GRIK1: variants seen among roughly 807,000 people sequenced by gnomAD.
GRIK1 encodes glutamate receptor ionotropic, kainate 1.
In GRIK1, 69 loss-of-function variants were observed where a neutral mutation model predicts 105.7. The ratio of observed to expected loss-of-function variants is 0.65; its 90% CI spans 0.54 to 0.80. The LOEUF is 0.80. Among genes scored for constraint, GRIK1 ranks in the 30% least tolerant of loss-of-function variants. The probability of loss-of-function intolerance (pLI) is 0.00; values close to 1 mark genes in which losing one functional copy is unlikely to be tolerated. For missense variants in GRIK1, 1,109 were observed against 1,167.3 expected, an observed-to-expected ratio of 0.95 and a Z score of 0.73; for synonymous variants, 438 against 431.3, an observed-to-expected ratio of 1.02 and a Z score of -0.19.
At chr21:29,607,227 G>C (rs2061641300) in intron 7 of GRIK1, among the ~76,000 whole-genome samples, 1 of 151,990 alleles carries the variant, frequency 6.6e-6, no homozygotes, top group South Asian at 2.1e-4. Context: ...CTGAAAACCT[G>C]GTTTCTTAGC....
intron 2 of GRIK1, among the ~76,000 whole-genome samples, chr21:29,692,604 C>T (rs1031271926): frequency 1.3e-4 from 20 of 152,158 alleles, no homozygotes; most frequent in African/African-American, 3.9e-4. Flanking sequence ...GACGGAGTCT[C>T]GCTCTGTCAC....
At chr21:29,879,616 C>G (rs372802612) in intron 1 of GRIK1, among the ~76,000 whole-genome samples, 1 of 152,046 alleles carries the variant, frequency 6.6e-6, no homozygotes, top group Non-Finnish European at 1.5e-5. Flanking sequence ...GTAATTGTAA[C>G]GTTGATTCAT....
chr21:29,702,001 A>C (rs1001983734), intron 1 of GRIK1, among the ~76,000 whole-genome samples: 9 of 152,186 alleles, frequency 5.9e-5, no homozygotes, highest in African/African-American at 1.9e-4. Flanking sequence ...TGCCTATTAG[A>C]AGTCCAAGTG....
At chr21:29,873,243 G>A (rs1356148981) in intron 1 of GRIK1, among the ~76,000 whole-genome samples, 5 of 152,154 alleles carry the variant, frequency 3.3e-5, no homozygotes, top group Non-Finnish European at 2.9e-5. Context: ...TAATGAAGTC[G>A]TTTAATTAGT....
At position 29,807,280 on chromosome 21, in the gene GRIK1, G is replaced by A. The variant is rs183348302; in HGVS notation, c.119-113217C>T. ...CAACAAACTGCCCCTTCCCTGTGGC[G>A]GCTGTGGGGTGTGAGAAAGAGACAT... On this transcript the variant is annotated intron_variant, in intron 1 of 17. Transcript: ENST00000327783. Among the ~76,000 whole-genome samples, 35 of 152,186 alleles carry A rather than the reference G, an allele frequency of 2.3e-4. No homozygotes were observed. The East Asian group carries it at 3.1e-3, about 13-fold the overall frequency.
chr21:29,868,836 C>T (rs540075139), intron 1 of GRIK1, among the ~76,000 whole-genome samples: 6 of 152,212 alleles, frequency 3.9e-5, no homozygotes, highest in Middle Eastern at 3.4e-3. Context: ...ACCACAGATC[C>T]GTCCACATTA....
At chr21:29,892,262 CTT>C (rs1189046737) in intron 1 of GRIK1, among the ~76,000 whole-genome samples, 2 of 152,130 alleles carry the variant, frequency 1.3e-5, no homozygotes, top group Admixed American at 1.3e-4. Flanking sequence ...GAGGAAGTGA[CTT>C]TGAGTAGTTT....
intron 7 of GRIK1, among the ~76,000 whole-genome samples, chr21:29,624,609 A>G (rs1256816958): frequency 1.3e-5 from 2 of 152,242 alleles, no homozygotes; most frequent in African/African-American, 2.4e-5. Flanking sequence ...AGAATCATCT[A>G]TTTAAGTAAA....
At chr21:29,576,429 G>A (rs16984385) in intron 14 of GRIK1, among the ~76,000 whole-genome samples, 3,774 of 152,102 alleles carry the variant, frequency 0.025, 155 homozygotes, top group African/African-American at 0.085. Flanking sequence ...TCATCAATGC[G>A]GACTCAGTAT....
At chr21:29,876,569 G>A (rs746051555) in intron 1 of GRIK1, among the ~76,000 whole-genome samples, 2 of 151,988 alleles carry the variant, frequency 1.3e-5, no homozygotes, top group Non-Finnish European at 2.9e-5. Context: ...TATACATGTT[G>A]CTGCTATTCA....
intron 1 of GRIK1, among the ~76,000 whole-genome samples, chr21:29,706,914 GA>G (rs2063920309): frequency 1.3e-5 from 2 of 152,170 alleles, no homozygotes; most frequent in East Asian, 3.9e-4. Context: ...GCCCAGGCTG[GA>G]GTGCAGTGGT....
chr21:29,774,134 G>A (rs1204292178), intron 1 of GRIK1, among the ~76,000 whole-genome samples: 1 of 152,020 alleles, frequency 6.6e-6, no homozygotes, highest in Non-Finnish European at 1.5e-5. Flanking sequence ...TTATTCTGCA[G>A]AGAATTATAA....
intron 17 of GRIK1, 196 bp from the exon 18 acceptor site, chr21:29,537,581 G>T (rs2089900719): frequency 3.0e-6 from 2 of 668,106 alleles, no homozygotes; most frequent in Admixed American, 2.7e-5. Context: ...GAGATGGCAA[G>T]TTAGCTGGGC....
At chr21:29,668,052 G>A (rs1026581767) in intron 4 of GRIK1, among the ~76,000 whole-genome samples, 1 of 152,148 alleles carries the variant, frequency 6.6e-6, no homozygotes, top group Non-Finnish European at 1.5e-5. Context: ...ATATGACTTT[G>A]GGGATGATTT....
rs376948179 is a variant in GRIK1, at chr21:29,628,637, A to T, written c.1098+14189T>A. ...TGGCTTGTTTTCTGAAATGGAATAA[A>T]TTGGCTTCTGTACATGCAAATCAAC... On this transcript the variant is annotated intron_variant, in intron 7 of 17. Transcript: ENST00000327783. Among the ~76,000 whole-genome samples the T allele has an allele frequency of 4.6e-5, 7 of 152,318 alleles. No individual in the cohort carries two copies. The South Asian group carries it at 1.4e-3, about 32-fold the overall frequency.
chr21:29,632,414 G>T (rs1428180128), intron 7 of GRIK1, among the ~76,000 whole-genome samples: 1 of 152,068 alleles, frequency 6.6e-6, no homozygotes, highest in African/African-American at 2.4e-5. Context: ...AGTGAAAAAT[G>T]AATGAACTGG....
chr21:29,618,341 T>TA (rs1015360948), intron 7 of GRIK1, among the ~76,000 whole-genome samples: 3 of 152,018 alleles, frequency 2.0e-5, no homozygotes, highest in African/African-American at 7.2e-5. Context: ...ATGGCCATAA[T>TA]AAAAAAAATT....
At chr21:29,699,461 A>C in intron 1 of GRIK1, among the ~76,000 whole-genome samples, 1 of 152,136 alleles carries the variant, frequency 6.6e-6, no homozygotes, top group African/African-American at 2.4e-5. Flanking sequence ...GGCCATCTGC[A>C]AGCCATGGAG....
At chr21:29,875,001 G>GC (rs2069142461) in intron 1 of GRIK1, among the ~76,000 whole-genome samples, 1 of 143,054 alleles carries the variant, frequency 7.0e-6, no homozygotes, top group Non-Finnish European at 1.5e-5. Context: ...TAGTTTCAGG[G>GC]TTTTTTTTTT....
Sources: gnomAD v4.1 joint callset for allele counts (sites outside exome capture counted in the v4.1 genomes callset) on GRCh38, gnomAD v4.1.1 for gene constraint, MANE v1.5 for transcripts, NCBI Gene and HGNC (gene_info 2026-07-23, HGNC 2026-07-21) for gene names.